HS3ST4: variants seen among roughly 807,000 people sequenced by gnomAD.
The protein encoded by HS3ST4 is heparan sulfate-glucosamine 3-sulfotransferase 4, also known as heparan sulfate glucosamine 3-O-sulfotransferase 4.
In HS3ST4, 17 loss-of-function variants were observed where a neutral mutation model predicts 29.2. The observed-to-expected ratio is 0.58, with a 90% confidence interval of 0.40 to 0.87. The LOEUF (loss-of-function observed/expected upper bound fraction) is 0.87. Among genes scored for constraint, HS3ST4 ranks in the 40% least tolerant of loss-of-function variants. The pLI is 0.00. For missense variants in HS3ST4, 627 were observed against 634.5 expected, an observed-to-expected ratio of 0.99 and a Z score of 0.13; for synonymous variants, 314 against 285.7, an observed-to-expected ratio of 1.10 and a Z score of -1.00.
chr16:25,701,386 A>C (rs772387958), intron 1 of HS3ST4, among the ~76,000 whole-genome samples: 1 of 152,150 alleles, frequency 6.6e-6, no homozygotes, highest in Non-Finnish European at 1.5e-5. Context: ...AGAGTAGAGA[A>C]GCAGGGTTCT....
intron 1 of HS3ST4, among the ~76,000 whole-genome samples, chr16:25,811,660 C>T (rs376580140): frequency 1.3e-5 from 2 of 151,918 alleles, no homozygotes; most frequent in East Asian, 3.9e-4. Context: ...CTCGAACTCC[C>T]AACCTCAGGT....
At chr16:25,734,065 C>T (rs1596555929) in intron 1 of HS3ST4, among the ~76,000 whole-genome samples, 1 of 152,090 alleles carries the variant, frequency 6.6e-6, no homozygotes, top group Admixed American at 6.6e-5. Flanking sequence ...TGCAGTGAGC[C>T]GAGATTGCGC....
chr16:26,007,914 C>CTTT (rs370947868), intron 1 of HS3ST4, among the ~76,000 whole-genome samples: 37 of 145,014 alleles, frequency 2.6e-4, no homozygotes, highest in African/African-American at 9.1e-4. Context: ...CACATGGCCA[C>CTTT]TTTTTTTTTT....
chr16:26,114,396 C>G (rs1324084566), intron 1 of HS3ST4, among the ~76,000 whole-genome samples: 1 of 152,126 alleles, frequency 6.6e-6, no homozygotes, highest in East Asian at 1.9e-4. Context: ...TACTTGTTCC[C>G]AGTGCTGCCA....
chr16:25,983,404 T>C (rs190058586), intron 1 of HS3ST4, among the ~76,000 whole-genome samples: 35 of 152,348 alleles, frequency 2.3e-4, no homozygotes, highest in African/African-American at 7.0e-4. Flanking sequence ...GACGTGCATA[T>C]GACCCTTAGG....
chr16:25,743,391 T>G (rs758619134), intron 1 of HS3ST4, among the ~76,000 whole-genome samples: 8 of 152,218 alleles, frequency 5.3e-5, no homozygotes, highest in Non-Finnish European at 1.2e-4. Context: ...ACATAATCAC[T>G]TTAAAATGTT....
At chr16:26,026,686 T>C (rs1323871142) in intron 1 of HS3ST4, among the ~76,000 whole-genome samples, 1 of 152,206 alleles carries the variant, frequency 6.6e-6, no homozygotes, top group Non-Finnish European at 1.5e-5. Context: ...TTTCTGCTCA[T>C]GTCATTTCTC....
At chr16:25,957,547 A>T in intron 1 of HS3ST4, among the ~76,000 whole-genome samples, 1 of 152,088 alleles carries the variant, frequency 6.6e-6, no homozygotes, top group Non-Finnish European at 1.5e-5. Context: ...CCTCCCGAGT[A>T]GCTGGGATTA....
chr16:26,017,454 G>A (rs187935138), intron 1 of HS3ST4, among the ~76,000 whole-genome samples: 139 of 152,302 alleles, frequency 9.1e-4, no homozygotes, highest in African/African-American at 3.3e-3. Context: ...AAAGCAATGA[G>A]CTAGGAAAAA....
chr16:25,872,628 A>G (rs1402500529), intron 1 of HS3ST4, among the ~76,000 whole-genome samples: 1 of 152,196 alleles, frequency 6.6e-6, no homozygotes, highest in African/African-American at 2.4e-5. Flanking sequence ...AAGTTTCCCA[A>G]GGCAACAAAA....
chr16:25,749,766 A>G (rs539898807), intron 1 of HS3ST4, among the ~76,000 whole-genome samples: 8 of 152,144 alleles, frequency 5.3e-5, no homozygotes, highest in Admixed American at 3.3e-4. Flanking sequence ...AGCTCTAAAT[A>G]ATTCTTTGTT....
intron 1 of HS3ST4, among the ~76,000 whole-genome samples, chr16:26,093,984 T>G (rs1438820978): frequency 6.6e-6 from 1 of 152,148 alleles, no homozygotes; most frequent in African/African-American, 2.4e-5. Context: ...CTTCAATAGC[T>G]GACTTGATCA....
chr16:26,104,361 G>A, intron 1 of HS3ST4, among the ~76,000 whole-genome samples: 1 of 152,124 alleles, frequency 6.6e-6, no homozygotes, highest in East Asian at 1.9e-4. Context: ...GATGTGATTG[G>A]GTTTGTTGAC....
chr16:26,121,782 C>T (rs3809678), intron 1 of HS3ST4, among the ~76,000 whole-genome samples: 26,161 of 152,094 alleles, frequency 0.17, 2,610 homozygotes, highest in Non-Finnish European at 0.24. Flanking sequence ...CCCTTTAAAA[C>T]GCTGAGACCA....
At chr16:25,955,463 A>C (rs755553554) in intron 1 of HS3ST4, among the ~76,000 whole-genome samples, 2 of 152,212 alleles carry the variant, frequency 1.3e-5, no homozygotes, top group Non-Finnish European at 2.9e-5. Context: ...CATAAAAGTT[A>C]GAGTTTTAAG....
chr16:25,719,193 G>A (rs953491954), intron 1 of HS3ST4, among the ~76,000 whole-genome samples: 35 of 152,194 alleles, frequency 2.3e-4, no homozygotes, highest in Non-Finnish European at 3.8e-4. Context: ...ACAGAAATGG[G>A]TCAGCATTTA....
At chr16:26,134,466 G>T (rs1029858861) in intron 1 of HS3ST4, among the ~76,000 whole-genome samples, 1 of 149,856 alleles carries the variant, frequency 6.7e-6, no homozygotes, top group African/African-American at 2.5e-5. Flanking sequence ...GGGTCCAAGT[G>T]ATTTTCCTGC....
chr16:26,047,234 G>A (rs189293448), intron 1 of HS3ST4, among the ~76,000 whole-genome samples: 38 of 152,338 alleles, frequency 2.5e-4, no homozygotes, highest in Non-Finnish European at 4.1e-4. Context: ...GGCTGGCACA[G>A]GGTACTCATC....
chr16:25,802,921 TTATA>T (rs536958265), intron 1 of HS3ST4, among the ~76,000 whole-genome samples: 5 of 39,006 alleles, frequency 1.3e-4, no homozygotes, highest in Middle Eastern at 8.5e-3. Flanking sequence ...AGCTTTTAAG[TTATA>T]TATGTGTGTG....
Sources: gnomAD v4.1 joint callset for allele counts (sites outside exome capture counted in the v4.1 genomes callset) on GRCh38, gnomAD v4.1.1 for gene constraint, MANE v1.5 for transcripts, NCBI Gene and HGNC (gene_info 2026-07-23, HGNC 2026-07-21) for gene names.